SLC45A4: variants seen among roughly 807,000 people sequenced by gnomAD.
SLC45A4 encodes the protein solute carrier family 45 member 4.
Under a neutral mutation model 63.7 loss-of-function variants are expected in SLC45A4, and 32 were observed. That is an observed-to-expected ratio of 0.50 (90% confidence interval 0.38 to 0.67). SLC45A4 has a LOEUF of 0.67. SLC45A4 is among the 30% of genes least tolerant of loss of function. SLC45A4 has a pLI of 0.00. For synonymous variants in SLC45A4, 535 were observed against 510.0 expected (o/e 1.05, Z -0.66); for missense variants, 1,027 against 1,157.7 (o/e 0.89, Z 1.64).
At chr8:141,263,796 T>TA (rs1829146290) in intron 1 of SLC45A4, among the ~76,000 whole-genome samples, 1 of 146,420 alleles carries the variant, frequency 6.8e-6, no homozygotes, top group Non-Finnish European at 1.5e-5. Context: ...AAAATAATAA[T>TA]AAAAACAAAA....
chr8:141,305,362 C>T (rs1482640056), intron 1 of SLC45A4, among the ~76,000 whole-genome samples: 1 of 152,204 alleles, frequency 6.6e-6, no homozygotes, highest in Non-Finnish European at 1.5e-5. Context: ...GGGAGGTTTG[C>T]TCCCTCTGGT....
intron 1 of SLC45A4, among the ~76,000 whole-genome samples, chr8:141,295,693 T>C (rs6999890): frequency 0.51 from 78,275 of 152,052 alleles, 21,419 homozygotes; most frequent in South Asian, 0.61. Flanking sequence ...GGCCCCTCGA[T>C]TGACCACTCG....
chr8:141,300,558 T>C (rs11786212), intron 1 of SLC45A4, among the ~76,000 whole-genome samples: 62,626 of 152,152 alleles, frequency 0.41, 14,892 homozygotes, highest in Non-Finnish European at 0.53. Context: ...GCCCTGATCC[T>C]AATGGCAACC....
chr8:141,271,883 A>C (rs942072581), intron 1 of SLC45A4, among the ~76,000 whole-genome samples: 1 of 151,716 alleles, frequency 6.6e-6, no homozygotes, highest in Non-Finnish European at 1.5e-5. Context: ...ACGTGCATGC[A>C]ACACACACCT....
rs1169208605 is a variant in SLC45A4, at chr8:141,260,964, C to CA, written c.-400-6336dup. Among the ~76,000 whole-genome samples, 3 of 152,100 alleles carry CA rather than the reference C, an allele frequency of 2.0e-5. No individual in the cohort carries two copies. In the East Asian group the frequency reaches 5.8e-4, roughly 29 times the overall value. ...CCAATATCCTTGATGAACATTGATGCAAAAATCCTCAATAAAATACTGGCA... is the reference window on the plus strand; with the variant it reads ...CCAATATCCTTGATGAACATTGATGCAAAAAATCCTCAATAAAATACTGGCA... On this transcript the variant is annotated intron_variant, in intron 1 of 8. Coordinates refer to ENST00000517878, the MANE Select transcript of SLC45A4 (RefSeq NM_001286646.2).
chr8:141,228,368 G>GC (rs1377490915), intron 2 of SLC45A4: 1 of 1,559,250 alleles, frequency 6.4e-7, no homozygotes, highest in African/African-American at 1.4e-5. Context: ...CAACAGCCTG[G>GC]CTAGAGGCCC....
intron 2 of SLC45A4, among the ~76,000 whole-genome samples, chr8:141,248,022 A>T (rs1404657431): frequency 6.6e-6 from 1 of 152,180 alleles, no homozygotes; most frequent in Non-Finnish European, 1.5e-5. Context: ...CCTAGGTGAG[A>T]GAACTACTGA....
At chr8:141,288,029 T>C (rs1193851626) in intron 1 of SLC45A4, among the ~76,000 whole-genome samples, 2 of 152,102 alleles carry the variant, frequency 1.3e-5, no homozygotes, top group Admixed American at 6.5e-5. Context: ...GTCAACAGCC[T>C]CCTTTTTGGT....
rs1569557820 is a variant in SLC45A4, at chr8:141,212,253, C to CG, written c.2244dup (p.Val749ArgfsTer25). On this transcript the variant is annotated frameshift_variant, in exon 8 of 9. Transcript: ENST00000517878. LOFTEE classifies it high-confidence loss of function. ...CCCTCCTTCCGCGTGAGCTTCAGCA[C>CG]GGTGGGCTTTTCGCTGTTCCCACCG... is the stretch of plus-strand genomic sequence containing the variant. The CG allele has an allele frequency of 1.9e-6, 3 of 1,583,706 alleles. No homozygotes were observed. In the South Asian group the frequency reaches 3.5e-5, roughly 18 times the overall value.
intron 1 of SLC45A4, among the ~76,000 whole-genome samples, chr8:141,307,191 G>T (rs1035354194): frequency 6.6e-6 from 1 of 152,212 alleles, no homozygotes; most frequent in African/African-American, 2.4e-5. Context: ...GCCGCTGCTG[G>T]AAGTGCTCCA....
At chr8:141,276,370 G>A (rs1405582695) in intron 1 of SLC45A4, among the ~76,000 whole-genome samples, 7 of 152,156 alleles carry the variant, frequency 4.6e-5, no homozygotes, top group African/African-American at 1.4e-4. Context: ...AGAGGTTTGC[G>A]ATGCGAGCAG....
chr8:141,271,136 G>A (rs1053657994), intron 1 of SLC45A4, among the ~76,000 whole-genome samples: 2 of 152,212 alleles, frequency 1.3e-5, no homozygotes, highest in African/African-American at 2.4e-5. Flanking sequence ...CCCAGCACAC[G>A]GGGCTAACCC....
rs542430383 is a variant in SLC45A4 at position 141,227,611 on chromosome 8, G to A, written c.242-5846C>T. 8.5e-5 allele frequency among the ~76,000 whole-genome samples: 13 copies of A among 152,200 alleles called. No homozygotes were observed. The highest frequency in any genetic ancestry group is 2.1e-4 in the South Asian group (1 of 4,818). ...GGAAAGACACTGGGCCGGGGGAGCC[G>A]GGCCCCCAGGGCTCGGGCCACCTGC... On this transcript the variant is annotated intron_variant, in intron 2 of 8. Coordinates refer to ENST00000517878, the MANE Select transcript of SLC45A4 (RefSeq NM_001286646.2). This position sits in a 1 kb window ranked among gnomAD's most constrained non-coding sequence, Gnocchi z 4.4.
intron 2 of SLC45A4, among the ~76,000 whole-genome samples, chr8:141,238,878 A>G (rs919785944): frequency 2.0e-5 from 3 of 152,190 alleles, no homozygotes; most frequent in Admixed American, 6.5e-5. Context: ...CAGCCCCATG[A>G]AAGCCCAGAC....
chr8:141,303,045 A>C (rs1830796541), intron 1 of SLC45A4, among the ~76,000 whole-genome samples: 1 of 134,166 alleles, frequency 7.5e-6, no homozygotes, highest in South Asian at 2.3e-4. Flanking sequence ...CCCCAGCTGG[A>C]GTGCAGTGTG....
At chr8:141,276,920 A>G (rs1829748577) in intron 1 of SLC45A4, among the ~76,000 whole-genome samples, 1 of 152,138 alleles carries the variant, frequency 6.6e-6, no homozygotes, top group African/African-American at 2.4e-5. Context: ...TTTCCAACTC[A>G]TTAATTCCTA....
intron 2 of SLC45A4, among the ~76,000 whole-genome samples, chr8:141,240,616 G>A (rs980365061): frequency 2.0e-5 from 3 of 152,204 alleles, no homozygotes; most frequent in African/African-American, 4.8e-5. Flanking sequence ...GACAGTGCCT[G>A]TTGTCCCAGC....
intron 2 of SLC45A4, among the ~76,000 whole-genome samples, chr8:141,246,837 A>G (rs1828229455): frequency 6.6e-6 from 1 of 152,208 alleles, no homozygotes; most frequent in African/African-American, 2.4e-5. Context: ...AGAAGTAGCC[A>G]GTTGTGGTGG....
chr8:141,214,515 T>A (rs1826021813), intron 7 of SLC45A4, among the ~76,000 whole-genome samples: 1 of 152,210 alleles, frequency 6.6e-6, no homozygotes, highest in Admixed American at 6.5e-5. Flanking sequence ...GGAAGTTCCA[T>A]ACTACAAAGT....
Sources: gnomAD v4.1 joint callset for allele counts (sites outside exome capture counted in the v4.1 genomes callset) on GRCh38, gnomAD v4.1.1 for gene constraint, Gnocchi (gnomAD v3.1) non-coding constraint, MANE v1.5 for transcripts, NCBI Gene and HGNC (gene_info 2026-07-23, HGNC 2026-07-21) for gene names.